MACROD2: variants seen among roughly 807,000 people sequenced by gnomAD.
MACROD2 encodes the protein ADP-ribose glycohydrolase MACROD2.
MACROD2 carries 36 observed loss-of-function variants against 70.4 expected under a neutral mutation model. The ratio of observed to expected loss-of-function variants is 0.51; its 90% CI spans 0.39 to 0.68. MACROD2 has a LOEUF of 0.68. Ranked by LOEUF, MACROD2 falls within the 30% of genes least tolerant of loss-of-function variation. The probability of loss-of-function intolerance (pLI) is 0.00; values close to 1 mark genes in which losing one functional copy is unlikely to be tolerated. For synonymous variants in MACROD2, 172 were observed against 178.8 expected (o/e 0.96, Z 0.30); for missense variants, 496 against 538.4 (o/e 0.92, Z 0.78).
intron 8 of MACROD2, among the ~76,000 whole-genome samples, chr20:15,684,703 G>T (rs556850848): frequency 2.6e-5 from 4 of 152,136 alleles, no homozygotes; most frequent in Non-Finnish European, 4.4e-5. Flanking sequence ...TTTCTTTTCC[G>T]TGTGGTAAGT....
At position 14,820,357 on chromosome 20, in the gene MACROD2, C is replaced by CG. The variant is rs2072827695; in HGVS notation, c.418+135398_418+135399insG. 4.3e-5 allele frequency among the ~76,000 whole-genome samples: 5 copies of CG among 116,138 alleles called. No homozygotes were observed. In the South Asian group the frequency reaches 1.4e-3, roughly 32 times the overall value. 76.2% of individuals were successfully genotyped at this position (116,138 alleles called of 152,430 possible). A position where few individuals can be genotyped will look rare whatever the true frequency, so the allele number is the denominator to read the frequency against. On this transcript the variant is annotated intron_variant, in intron 5 of 17. Transcript: ENST00000684519. ...GTGGGATTAGGAATAATTTTTCTTC[C>CG]TTTTTTTTTTTTTTTTTTTGTTTTC...
chr20:15,908,195 C>G (rs927526219), intron 10 of MACROD2, among the ~76,000 whole-genome samples: 1 of 152,082 alleles, frequency 6.6e-6, no homozygotes, highest in Non-Finnish European at 1.5e-5. Flanking sequence ...ATGCGCTAGA[C>G]CAGTGGAAGT....
At chr20:15,090,145 G>A (rs1363503308) in intron 5 of MACROD2, among the ~76,000 whole-genome samples, 2 of 151,878 alleles carry the variant, frequency 1.3e-5, no homozygotes, top group Non-Finnish European at 2.9e-5. Context: ...GATATATGTT[G>A]ACCTGCTACA....
chr20:14,410,634 T>G (rs541453613), intron 3 of MACROD2, among the ~76,000 whole-genome samples: 3 of 152,294 alleles, frequency 2.0e-5, no homozygotes, highest in South Asian at 4.1e-4. Context: ...GATGCTAACC[T>G]TCAAACCACA....
chr20:15,837,878 A>G (rs1341375797), intron 8 of MACROD2, among the ~76,000 whole-genome samples: 1 of 151,956 alleles, frequency 6.6e-6, no homozygotes, highest in Non-Finnish European at 1.5e-5. Context: ...CTTTTGTGAT[A>G]CTCTTAGCCC....
intron 3 of MACROD2, among the ~76,000 whole-genome samples, chr20:14,354,933 G>A (rs1252334744): frequency 1.3e-5 from 2 of 152,078 alleles, no homozygotes; most frequent in Non-Finnish European, 2.9e-5. Context: ...AATGACCTCT[G>A]GCTGCATCTG....
At chr20:15,052,976 G>T (rs1445082570) in intron 5 of MACROD2, among the ~76,000 whole-genome samples, 1 of 152,236 alleles carries the variant, frequency 6.6e-6, no homozygotes. Flanking sequence ...CTGGACAGAA[G>T]ATCAAACCAG....
chr20:15,993,322 A>G (rs992707739), intron 15 of MACROD2, among the ~76,000 whole-genome samples: 2 of 151,886 alleles, frequency 1.3e-5, no homozygotes, highest in African/African-American at 4.8e-5. Flanking sequence ...AACAGATCGT[A>G]TATGTCCCGG....
chr20:14,077,530 G>T (rs569260597), intron 2 of MACROD2, among the ~76,000 whole-genome samples: 1 of 152,288 alleles, frequency 6.6e-6, no homozygotes, highest in East Asian at 1.9e-4. Context: ...TAATAAGTGT[G>T]AGGAGAAACA....
At chr20:15,781,755 C>T (rs1000436772) in intron 8 of MACROD2, among the ~76,000 whole-genome samples, 1 of 152,060 alleles carries the variant, frequency 6.6e-6, no homozygotes, top group Non-Finnish European at 1.5e-5. Flanking sequence ...ATCATAGCAG[C>T]AGAGATAATG....
intron 6 of MACROD2, among the ~76,000 whole-genome samples, chr20:15,316,266 A>G (rs1167623461): frequency 6.6e-6 from 1 of 152,108 alleles, no homozygotes; most frequent in Non-Finnish European, 1.5e-5. Flanking sequence ...TCCCAAAGGC[A>G]GAAATGGTCA....
intron 5 of MACROD2, among the ~76,000 whole-genome samples, chr20:14,702,723 G>GTA (rs1291280198): frequency 4.2e-5 from 6 of 142,728 alleles, no homozygotes; most frequent in Non-Finnish European, 9.1e-5. Context: ...ATATATATGT[G>GTA]TATATATATA....
intron 5 of MACROD2, among the ~76,000 whole-genome samples, chr20:14,911,222 A>G (rs2074023134): frequency 6.6e-6 from 1 of 152,196 alleles, no homozygotes; most frequent in African/African-American, 2.4e-5. Context: ...AGGAATACAT[A>G]GTTTAACCAG....
At position 15,620,847 on chromosome 20, in the gene MACROD2, C is replaced by T. The variant is rs570941046; in HGVS notation, c.645+121000C>T. On this transcript the variant is annotated intron_variant, in intron 8 of 17. Transcript: ENST00000684519. ...CATCTTTAATGTCAGGGCAGACTCA[C>T]ACATAACTAAGGCAGTGCTATAAGG... 2.6e-5 allele frequency among the ~76,000 whole-genome samples: 4 copies of T among 152,154 alleles called. No individual in the cohort carries two copies. In the South Asian group the frequency reaches 8.3e-4, roughly 32 times the overall value.
In MACROD2 at chr20:16,050,068, A is replaced by C; in HGVS notation, c.*192A>C. On this transcript the variant is annotated 3_prime_UTR_variant, in exon 18 of 18. Transcript: ENST00000684519. Reference sequence around the variant, plus strand: ...AAAAGAAAGAAAAAAAAGAAAAAAAAAGTTTCCTTTAATTTGGTGGAGGGA... The same window carrying C: ...AAAAGAAAGAAAAAAAAGAAAAAAACAGTTTCCTTTAATTTGGTGGAGGGA... 1.8e-6 allele frequency: 1 copy of C among 541,130 alleles called. No individual in the cohort carries two copies. The highest frequency in any genetic ancestry group is 3.3e-5 in the East Asian group (1 of 30,490). 33.5% of individuals were successfully genotyped at this position (541,130 alleles called of 1,614,324 possible).
At chr20:15,906,452 T>C (rs1351659762) in intron 10 of MACROD2, among the ~76,000 whole-genome samples, 3 of 152,240 alleles carry the variant, frequency 2.0e-5, no homozygotes, top group African/African-American at 4.8e-5. Flanking sequence ...AACATTTAAC[T>C]GAGCATTTTC....
chr20:14,252,533 G>A (rs2082021633), intron 3 of MACROD2, among the ~76,000 whole-genome samples: 2 of 150,534 alleles, frequency 1.3e-5, no homozygotes, highest in South Asian at 4.2e-4. Context: ...ATATTTTTTG[G>A]TCTCTTTCCC....
chr20:14,516,135 C>T (rs955429486), intron 4 of MACROD2, among the ~76,000 whole-genome samples: 2 of 150,908 alleles, frequency 1.3e-5, no homozygotes, highest in Admixed American at 6.6e-5. Context: ...ATTTATAAAC[C>T]TTTAAAGCAC....
intron 4 of MACROD2, among the ~76,000 whole-genome samples, chr20:14,607,237 T>C (rs1982863451): frequency 6.6e-6 from 1 of 152,150 alleles, no homozygotes; most frequent in Admixed American, 6.6e-5. Context: ...GTTCCTTTCA[T>C]GTAAAGGTGG....
Sources: gnomAD v4.1 joint callset for allele counts (sites outside exome capture counted in the v4.1 genomes callset) on GRCh38, gnomAD v4.1.1 for gene constraint, MANE v1.5 for transcripts, NCBI Gene and HGNC (gene_info 2026-07-23, HGNC 2026-07-21) for gene names.